Variants in TAFA1 observed in about 807,000 individuals in gnomAD.
TAFA1 encodes TAFA chemokine like family member 1.
In TAFA1, 4 loss-of-function variants were observed where a neutral mutation model predicts 18.5. The ratio of observed to expected loss-of-function variants is 0.22; its 90% CI spans 0.11 to 0.49. The LOEUF is 0.49. Among genes scored for constraint, TAFA1 ranks in the 20% least tolerant of loss-of-function variants. The probability of loss-of-function intolerance (pLI) is 0.98; values close to 1 mark genes in which losing one functional copy is unlikely to be tolerated. For missense variants in TAFA1, 147 were observed against 169.0 expected, an observed-to-expected ratio of 0.87 and a Z score of 0.72; for synonymous variants, 56 against 55.2, an observed-to-expected ratio of 1.01 and a Z score of -0.06.
chr3:68,317,025 T>C (rs1258582603), intron 2 of TAFA1, among the ~76,000 whole-genome samples: 1 of 152,168 alleles, frequency 6.6e-6, no homozygotes, highest in African/African-American at 2.4e-5. Context: ...CAACTTAATA[T>C]TTAGAATAGC....
At chr3:68,216,180 A>G (rs1050986898) in intron 2 of TAFA1, among the ~76,000 whole-genome samples, 1 of 152,052 alleles carries the variant, frequency 6.6e-6, no homozygotes, top group Non-Finnish European at 1.5e-5. Flanking sequence ...GAATAGGTGG[A>G]GCAGAGAAGA....
the TAFA1 span, among the ~76,000 whole-genome samples, chr3:67,996,428 G>A: frequency 2.0e-5 from 3 of 152,122 alleles, no homozygotes; most frequent in Non-Finnish European, 4.4e-5. Flanking sequence ...ATAAAGAAAG[G>A]GCTATCTGGG....
At chr3:68,232,210 C>A (rs547002140) in intron 2 of TAFA1, among the ~76,000 whole-genome samples, 1 of 152,270 alleles carries the variant, frequency 6.6e-6, no homozygotes, top group South Asian at 2.1e-4. Flanking sequence ...CTCTCCCTAT[C>A]CTCCTCTCCC....
chr3:68,243,489 A>G (rs2067028814), intron 2 of TAFA1, among the ~76,000 whole-genome samples: 2 of 152,140 alleles, frequency 1.3e-5, no homozygotes, highest in Non-Finnish European at 2.9e-5. Context: ...TGCCCTGCCC[A>G]TCACAACTAC....
chr3:68,364,175 T>C (rs187192341), intron 2 of TAFA1, among the ~76,000 whole-genome samples: 2 of 152,346 alleles, frequency 1.3e-5, no homozygotes, highest in Non-Finnish European at 2.9e-5. Context: ...CCACCTCAGC[T>C]TTAAGTCAGC....
intron 2 of TAFA1, among the ~76,000 whole-genome samples, chr3:68,319,970 AGT>A (rs1165460278): frequency 6.6e-6 from 1 of 152,190 alleles, no homozygotes; most frequent in African/African-American, 2.4e-5. Flanking sequence ...CGACTAAAAC[AGT>A]GTTTCTCCTA....
intron 3 of TAFA1, among the ~76,000 whole-genome samples, chr3:68,467,871 A>G (rs1009020447): frequency 8.5e-5 from 13 of 152,204 alleles, no homozygotes; most frequent in Non-Finnish European, 1.5e-4. Flanking sequence ...CAGTTGAAAA[A>G]AGAGTTCAGG....
chr3:68,143,313 CA>C (rs528962758), intron 2 of TAFA1, among the ~76,000 whole-genome samples: 1 of 152,042 alleles, frequency 6.6e-6, no homozygotes, highest in African/African-American at 2.4e-5. Flanking sequence ...GCCACACATA[CA>C]AAAAATGGGT....
intron 2 of TAFA1, among the ~76,000 whole-genome samples, chr3:68,064,553 T>C (rs1458348231): frequency 6.6e-6 from 1 of 152,192 alleles, no homozygotes; most frequent in Non-Finnish European, 1.5e-5. Flanking sequence ...TTAGAAATGC[T>C]TAACATAAAT....
At chr3:68,102,431 C>A (rs1405008569) in intron 2 of TAFA1, among the ~76,000 whole-genome samples, 1 of 152,086 alleles carries the variant, frequency 6.6e-6, no homozygotes, top group African/African-American at 2.4e-5. Flanking sequence ...ATGTATATAG[C>A]AAGATTTTTA....
intron 2 of TAFA1, among the ~76,000 whole-genome samples, chr3:68,359,642 C>T (rs1207117306): frequency 6.6e-6 from 1 of 151,898 alleles, no homozygotes; most frequent in Non-Finnish European, 1.5e-5. Flanking sequence ...GCCCTCCTGA[C>T]ACCTTGAGTT....
At chr3:68,405,829 C>G (rs1307948838) in intron 2 of TAFA1, among the ~76,000 whole-genome samples, 1 of 149,280 alleles carries the variant, frequency 6.7e-6, no homozygotes, top group East Asian at 2.0e-4. Flanking sequence ...TCTTTGCAAC[C>G]TGGAACCTAA....
intron 2 of TAFA1, among the ~76,000 whole-genome samples, chr3:68,404,802 GAA>G (rs112131770): frequency 5.1e-5 from 5 of 97,320 alleles, no homozygotes; most frequent in Admixed American, 2.2e-4. Flanking sequence ...GCTTCAAAAA[GAA>G]AAAAAAAAAA....
intron 2 of TAFA1, among the ~76,000 whole-genome samples, chr3:68,162,951 A>G (rs941418230): frequency 7.9e-5 from 12 of 152,234 alleles, no homozygotes; most frequent in Non-Finnish European, 1.8e-4. Flanking sequence ...GTATTGAATC[A>G]GCTTGGGACA....
intron 2 of TAFA1, among the ~76,000 whole-genome samples, chr3:68,403,352 C>G (rs2070534416): frequency 6.6e-6 from 1 of 152,200 alleles, no homozygotes; most frequent in Admixed American, 6.5e-5. Context: ...GGGCTTCAAA[C>G]AGCAAAAGTT....
At chr3:68,503,095 G>C (rs554983965) in intron 3 of TAFA1, among the ~76,000 whole-genome samples, 2 of 152,282 alleles carry the variant, frequency 1.3e-5, no homozygotes, top group South Asian at 4.1e-4. Flanking sequence ...CAGCATGACA[G>C]CACAAGTGGA....
intron 2 of TAFA1, among the ~76,000 whole-genome samples, chr3:68,289,390 G>A (rs1486372618): frequency 6.9e-6 from 1 of 144,834 alleles, no homozygotes; most frequent in Non-Finnish European, 1.5e-5. Context: ...CTTATCCCAA[G>A]GTCATAAAGA....
At chr3:68,028,752 T>G (rs1448312138) in intron 2 of TAFA1, among the ~76,000 whole-genome samples, 1,215 of 7,596 alleles carry the variant, frequency 0.16, 16 homozygotes, top group African/African-American at 0.21. Context: ...TTTTTTAAAA[T>G]TTTTTTTTTT....
intron 2 of TAFA1, among the ~76,000 whole-genome samples, chr3:68,355,527 G>C (rs932747235): frequency 6.6e-6 from 1 of 151,972 alleles, no homozygotes; most frequent in Non-Finnish European, 1.5e-5. Context: ...TGAGTGCTTA[G>C]TGCATACTAA....
Sources: gnomAD v4.1 joint callset for allele counts (sites outside exome capture counted in the v4.1 genomes callset) on GRCh38, gnomAD v4.1.1 for gene constraint, MANE v1.5 for transcripts, NCBI Gene and HGNC (gene_info 2026-07-23, HGNC 2026-07-21) for gene names.